Variants in PHACTR1 observed in about 807,000 individuals in gnomAD.
PHACTR1 encodes the protein RPEL repeat containing 1.
Under a neutral mutation model 69.2 loss-of-function variants are expected in PHACTR1, and 16 were observed. The ratio of observed to expected loss-of-function variants is 0.23; its 90% CI spans 0.16 to 0.35. The LOEUF is 0.35. PHACTR1 is among the 10% of genes least tolerant of loss of function. The probability of loss-of-function intolerance (pLI) is 1.00; values close to 1 mark genes in which losing one functional copy is unlikely to be tolerated. For synonymous variants in PHACTR1, 312 were observed against 284.5 expected (o/e 1.10, Z -0.97); for missense variants, 510 against 734.7 (o/e 0.69, Z 3.54).
chr6:13,194,852 G>A (rs3932443), intron 7 of PHACTR1, among the ~76,000 whole-genome samples: 12,968 of 152,020 alleles, frequency 0.085, 1,304 homozygotes, highest in East Asian at 0.57. Context: ...TCAGCTGAGG[G>A]TGCCAGGGTT....
At chr6:12,908,215 C>CTT (rs1351579150) in intron 4 of PHACTR1, among the ~76,000 whole-genome samples, 4 of 152,186 alleles carry the variant, frequency 2.6e-5, no homozygotes, top group Admixed American at 1.3e-4. Context: ...CATAGGACAA[C>CTT]CCTTCAAATT....
intron 4 of PHACTR1, among the ~76,000 whole-genome samples, chr6:12,969,614 G>A (rs1466177103): frequency 6.6e-6 from 1 of 152,098 alleles, no homozygotes; most frequent in Non-Finnish European, 1.5e-5. Context: ...ACACATAATT[G>A]AGAACTCAGA....
At chr6:12,779,634 A>T (rs1457404943) in intron 4 of PHACTR1, among the ~76,000 whole-genome samples, 1 of 152,212 alleles carries the variant, frequency 6.6e-6, no homozygotes, top group East Asian at 1.9e-4. Context: ...CATTTGGTGT[A>T]ATTGACCAAG....
At chr6:12,944,513 C>A (rs1790391029) in intron 4 of PHACTR1, among the ~76,000 whole-genome samples, 1 of 152,074 alleles carries the variant, frequency 6.6e-6, no homozygotes, top group African/African-American at 2.4e-5. Context: ...TAACAGTAAA[C>A]CTTTTAAAAA....
chr6:13,129,577 T>C (rs371571164), intron 5 of PHACTR1, among the ~76,000 whole-genome samples: 67 of 152,110 alleles, frequency 4.4e-4, no homozygotes, highest in African/African-American at 1.6e-3. Flanking sequence ...TACATAATGA[T>C]AAAAGGAATA....
intron 4 of PHACTR1, among the ~76,000 whole-genome samples, chr6:13,010,127 C>G (rs1168821318): frequency 6.6e-6 from 1 of 152,024 alleles, no homozygotes; most frequent in Non-Finnish European, 1.5e-5. Flanking sequence ...CACCCTCTTT[C>G]CTATTAATTT....
rs957937943 is a variant in PHACTR1, at chr6:12,779,246, A to G, written c.250+29456A>G. On this transcript the variant is annotated intron_variant, in intron 4 of 14. Coordinates refer to ENST00000332995, the MANE Select transcript of PHACTR1 (RefSeq NM_030948.6). ...GCTACTTGCAAGGCTGAGGCAGGAGAATCGCTTGAACCTGGGAGGCAGAGA... is the reference window on the plus strand; with the variant it reads ...GCTACTTGCAAGGCTGAGGCAGGAGGATCGCTTGAACCTGGGAGGCAGAGA... 3.9e-5 allele frequency among the ~76,000 whole-genome samples: 6 copies of G among 152,302 alleles called. No individual in the cohort carries two copies. The East Asian group carries it at 1.2e-3, about 29-fold the overall frequency.
intron 6 of PHACTR1, among the ~76,000 whole-genome samples, chr6:13,165,490 T>C (rs1179041917): frequency 6.6e-6 from 1 of 152,178 alleles, no homozygotes; most frequent in African/African-American, 2.4e-5. Context: ...GGAGCTACAG[T>C]GATAACCACA....
At chr6:12,890,864 T>C (rs1784107078) in intron 4 of PHACTR1, among the ~76,000 whole-genome samples, 1 of 152,246 alleles carries the variant, frequency 6.6e-6, no homozygotes, top group Admixed American at 6.5e-5. Flanking sequence ...CCTATTATAT[T>C]TACTGTGTAA....
intron 4 of PHACTR1, among the ~76,000 whole-genome samples, chr6:13,051,116 C>T (rs1428332325): frequency 6.6e-6 from 1 of 152,026 alleles, no homozygotes; most frequent in Non-Finnish European, 1.5e-5. Context: ...ATCAGGCCGA[C>T]CCCCCCATTC....
At chr6:13,176,707 A>AT (rs1761365238) in intron 6 of PHACTR1, among the ~76,000 whole-genome samples, 1 of 152,046 alleles carries the variant, frequency 6.6e-6, no homozygotes, top group Non-Finnish European at 1.5e-5. Flanking sequence ...TTTTTCGTAC[A>AT]TTTTTATTCT....
chr6:12,876,392 A>G (rs1782531295), intron 4 of PHACTR1, among the ~76,000 whole-genome samples: 1 of 152,214 alleles, frequency 6.6e-6, no homozygotes, highest in African/African-American at 2.4e-5. Context: ...TTCCCAGTTT[A>G]CAGATAAAGA....
chr6:13,252,896 C>T (rs527430083), intron 10 of PHACTR1: 1 of 278,930 alleles, frequency 3.6e-6, no homozygotes, highest in Non-Finnish European at 7.8e-6. Flanking sequence ...GCAGCCAAAA[C>T]CCCCCTCCAC....
intron 5 of PHACTR1, among the ~76,000 whole-genome samples, chr6:13,066,143 T>C (rs4711910): frequency 0.17 from 25,475 of 152,118 alleles, 2,598 homozygotes; most frequent in South Asian, 0.26. Context: ...TAGGGCTGGA[T>C]AAAAGATGTA....
chr6:13,245,843 G>A lies in PHACTR1; in HGVS notation c.1391+15650G>A, dbSNP rs1282565416. On this transcript the variant is annotated intron_variant, in intron 10 of 14. Coordinates refer to ENST00000332995, the MANE Select transcript of PHACTR1 (RefSeq NM_030948.6). The surrounding 1 kb of genome is among the most constrained non-coding windows in gnomAD (Gnocchi z 4.1). ...TTTTTGTATATGGTGTAAGGAGCAG[G>A]TCCAGTTTCAATCCCCTGCATATAG... Among the ~76,000 whole-genome samples the A allele has an allele frequency of 1.3e-5, 2 of 152,142 alleles. No homozygotes were observed. The highest frequency in any genetic ancestry group is 2.4e-5 in the African/African-American group (1 of 41,432).
intron 4 of PHACTR1, among the ~76,000 whole-genome samples, chr6:12,989,343 A>G (rs1329462359): frequency 6.6e-6 from 1 of 152,230 alleles, no homozygotes. Context: ...TGAGGCATGA[A>G]GAAAATGCTT....
chr6:12,869,430 A>G (rs1011037595), intron 4 of PHACTR1, among the ~76,000 whole-genome samples: 9 of 151,718 alleles, frequency 5.9e-5, no homozygotes, highest in African/African-American at 2.2e-4. Context: ...CCTCTTCCCA[A>G]TAGTCCATCT....
At chr6:12,749,128 C>G in intron 3 of PHACTR1, among the ~76,000 whole-genome samples, 1 of 152,246 alleles carries the variant, frequency 6.6e-6, no homozygotes, top group African/African-American at 2.4e-5. Context: ...ACCGCGGGCG[C>G]GGCACGCTCA....
intron 8 of PHACTR1, among the ~76,000 whole-genome samples, chr6:13,221,766 G>A (rs982419390): frequency 1.3e-5 from 2 of 152,180 alleles, no homozygotes; most frequent in Admixed American, 1.3e-4. Flanking sequence ...GGCCGGGCAC[G>A]GTGGCTCACG....
Sources: gnomAD v4.1 joint callset for allele counts (sites outside exome capture counted in the v4.1 genomes callset) on GRCh38, gnomAD v4.1.1 for gene constraint, Gnocchi (gnomAD v3.1) non-coding constraint, MANE v1.5 for transcripts, NCBI Gene and HGNC (gene_info 2026-07-23, HGNC 2026-07-21) for gene names.